SVIL: variants seen among roughly 807,000 people sequenced by gnomAD.
SVIL encodes archvillin.
A neutral mutation model predicts 240.4 loss-of-function variants in SVIL; 101 were observed. The ratio of observed to expected loss-of-function variants is 0.42; its 90% CI spans 0.36 to 0.50. SVIL has a LOEUF of 0.50. Ranked by LOEUF, SVIL falls within the 20% of genes least tolerant of loss-of-function variation. The probability of loss-of-function intolerance (pLI) is 0.01; values close to 1 mark genes in which losing one functional copy is unlikely to be tolerated. For synonymous variants in SVIL, 999 were observed against 1,100.0 expected (o/e 0.91, Z 1.82); for missense variants, 2,512 against 2,818.7 (o/e 0.89, Z 2.46).
At chr10:29,610,897 G>A (rs568669311) in intron 1 of SVIL, among the ~76,000 whole-genome samples, 34 of 152,152 alleles carry the variant, frequency 2.2e-4, no homozygotes, top group African/African-American at 5.8e-4. Context: ...GTGCACTCTC[G>A]CTCATGCATT....
intron 29 of SVIL, among the ~76,000 whole-genome samples, chr10:29,475,761 G>T (rs1253373933): frequency 2.6e-5 from 4 of 152,192 alleles, no homozygotes; most frequent in Admixed American, 6.5e-5. Flanking sequence ...GCAGCAGTTG[G>T]TGGGAACACC....
chr10:29,727,166 A>C (rs1327410080), intron 1 of SVIL, among the ~76,000 whole-genome samples: 3 of 152,222 alleles, frequency 2.0e-5, no homozygotes, highest in Non-Finnish European at 4.4e-5. Context: ...GCTAATAATA[A>C]CATAATAATA....
chr10:29,696,270 C>T (rs941550259), intron 1 of SVIL, among the ~76,000 whole-genome samples: 15 of 152,122 alleles, frequency 9.9e-5, no homozygotes, highest in Admixed American at 9.8e-4. Flanking sequence ...GGTGCCCAGG[C>T]TGGAGTGCAG....
chr10:29,462,210 A>C, intron 36 of SVIL, 67 bp downstream of exon 36: 5 of 1,554,004 alleles, frequency 3.2e-6, no homozygotes, highest in Non-Finnish European at 4.3e-6. Flanking sequence ...GCTCTCCCCA[A>C]AGTAAAGTTA....
chr10:29,509,910 T>C (rs535366691), intron 17 of SVIL, among the ~76,000 whole-genome samples: 21 of 152,314 alleles, frequency 1.4e-4, no homozygotes, highest in African/African-American at 4.8e-4. Flanking sequence ...AAATTGTTTT[T>C]GTTTTTGTTT....
At chr10:29,481,172 T>TTG (rs57675284) in intron 28 of SVIL, among the ~76,000 whole-genome samples, 1 of 131,396 alleles carries the variant, frequency 7.6e-6, no homozygotes, top group African/African-American at 2.8e-5. Flanking sequence ...GTGTGTTTGT[T>TTG]TGTGTGTCTG....
intron 2 of SVIL, among the ~76,000 whole-genome samples, chr10:29,672,461 A>C (rs1169231920): frequency 6.6e-6 from 1 of 152,192 alleles, no homozygotes; most frequent in African/African-American, 2.4e-5. Context: ...GCGACAGAGC[A>C]AGATCCTGTC....
intron 5 of SVIL, among the ~76,000 whole-genome samples, chr10:29,554,564 C>T (rs902529329): frequency 3.9e-5 from 6 of 152,028 alleles, no homozygotes; most frequent in African/African-American, 1.4e-4. Flanking sequence ...GGCGGGAGAA[C>T]CCTTGAGCTT....
intron 1 of SVIL, among the ~76,000 whole-genome samples, chr10:29,721,828 G>C (rs1187594836): frequency 6.6e-6 from 1 of 152,182 alleles, no homozygotes; most frequent in Non-Finnish European, 1.5e-5. Context: ...ATGTTGACTT[G>C]TGGCAAAGTT....
chr10:29,664,185 C>A (rs1959190258), intron 2 of SVIL, among the ~76,000 whole-genome samples: 1 of 152,162 alleles, frequency 6.6e-6, no homozygotes, highest in African/African-American at 2.4e-5. Flanking sequence ...ACCAAAATCA[C>A]AAGTGGAAAA....
At chr10:29,653,326 C>T (rs1286566008) in intron 3 of SVIL, among the ~76,000 whole-genome samples, 1 of 152,160 alleles carries the variant, frequency 6.6e-6, no homozygotes, top group Non-Finnish European at 1.5e-5. Flanking sequence ...CTTCCTCCTG[C>T]TTCAGCCATG....
intron 17 of SVIL, among the ~76,000 whole-genome samples, chr10:29,507,210 C>T (rs1564536876): frequency 6.6e-6 from 1 of 152,038 alleles, no homozygotes; most frequent in African/African-American, 2.4e-5. Context: ...CTCCCTGTCC[C>T]TCCACACCCC....
At chr10:29,567,972 G>T (rs28623426) in intron 2 of SVIL, among the ~76,000 whole-genome samples, 43,110 of 149,854 alleles carry the variant, frequency 0.29, 6,373 homozygotes, top group African/African-American at 0.34. Flanking sequence ...AGCTGAGATC[G>T]CGTCACTGCA....
At position 29,554,965 on chromosome 10, in the gene SVIL, G is replaced by C. The variant is rs758692203; in HGVS notation, c.9-31C>G. On this transcript the variant is annotated intron_variant, in intron 4 of 37. Transcript: ENST00000355867. Reference sequence around the variant, plus strand: ...AAATACACCACAAGAGGCAGAGTGAGCAACAGCGATCGAATCTAAAGGAAA... The same window carrying C: ...AAATACACCACAAGAGGCAGAGTGACCAACAGCGATCGAATCTAAAGGAAA... 12 of 1,609,550 alleles carry C rather than the reference G, an allele frequency of 7.5e-6. No homozygotes were observed. In the Admixed American group the frequency reaches 1.7e-4, roughly 23 times the overall value.
intron 17 of SVIL, among the ~76,000 whole-genome samples, chr10:29,505,349 T>C (rs1006332986): frequency 7.9e-5 from 12 of 151,864 alleles, no homozygotes; most frequent in Admixed American, 5.3e-4. Context: ...ATAATCATAA[T>C]AATTTAAAAA....
At chr10:29,474,150 C>T (rs1213668767) in intron 29 of SVIL, among the ~76,000 whole-genome samples, 161 bp from the exon 30 acceptor site, 11 of 152,152 alleles carry the variant, frequency 7.2e-5, no homozygotes, top group Non-Finnish European at 1.2e-4. Flanking sequence ...AGGCTGGTCA[C>T]GCCCAGGAGA....
chr10:29,522,850 A>G (rs1438793941), intron 15 of SVIL, among the ~76,000 whole-genome samples: 2 of 152,200 alleles, frequency 1.3e-5, no homozygotes, highest in African/African-American at 4.8e-5. Context: ...CTTCGTGGCA[A>G]TTGGTTTCTC....
At chr10:29,719,442 C>G (rs1376210018) in intron 1 of SVIL, among the ~76,000 whole-genome samples, 1 of 152,100 alleles carries the variant, frequency 6.6e-6, no homozygotes, top group African/African-American at 2.4e-5. Flanking sequence ...TATTTCCATC[C>G]CCCCAGAAGA....
At chr10:29,609,526 A>G (rs978199816) in intron 1 of SVIL, among the ~76,000 whole-genome samples, 1 of 152,222 alleles carries the variant, frequency 6.6e-6, no homozygotes, top group Non-Finnish European at 1.5e-5. Context: ...AGAAGTAGAG[A>G]AGAGCTGCAG....
Sources: allele counts gnomAD v4.1 joint callset (sites outside exome capture counted in the v4.1 genomes callset), GRCh38; gene constraint gnomAD v4.1.1; transcripts MANE v1.5; gene names NCBI Gene and HGNC (gene_info 2026-07-23, HGNC 2026-07-21).